The following TIPIN variants were observed in gnomAD, a reference collection of about 807,000 sequenced individuals.
The protein encoded by TIPIN is TIMELESS-interacting protein.
A neutral mutation model predicts 35.6 loss-of-function variants in TIPIN; 29 were observed. That is an observed-to-expected ratio of 0.82 (90% confidence interval 0.61 to 1.11). The LOEUF (loss-of-function observed/expected upper bound fraction) is 1.11. TIPIN is among the 50% of genes most tolerant of loss of function. The probability of loss-of-function intolerance (pLI) is 0.00; values close to 1 mark genes in which losing one functional copy is unlikely to be tolerated. For synonymous variants in TIPIN, 102 were observed against 121.5 expected (o/e 0.84, Z 1.06); for missense variants, 296 against 345.4 (o/e 0.86, Z 1.13).
At chr15:66,366,965 G>A in intron 1 of TIPIN, 7 of 865,144 alleles carry the variant, frequency 8.1e-6, no homozygotes, top group Non-Finnish European at 9.7e-6. Context: ...GTGATCACTC[G>A]AGGTCAGGAG....
At chr15:66,343,214 T>C (rs190181829) in intron 6 of TIPIN, among the ~76,000 whole-genome samples, 26 of 152,214 alleles carry the variant, frequency 1.7e-4, no homozygotes. Context: ...AAAATGCCTG[T>C]AGGTAGAATA....
chr15:66,383,411 C>T (rs1027079658), intron 1 of TIPIN: 2 of 173,144 alleles, frequency 1.2e-5, no homozygotes, highest in Non-Finnish European at 2.3e-5. Context: ...TACAGGCACC[C>T]GCCACCACAT....
At chr15:66,351,978 A>G (rs951235663) in intron 3 of TIPIN, 151 bp downstream of exon 3, 5 of 643,552 alleles carry the variant, frequency 7.8e-6, no homozygotes, top group Non-Finnish European at 1.0e-5. Context: ...AAGCAAGACC[A>G]TAAGAAAAAA....
intron 7 of TIPIN, among the ~76,000 whole-genome samples, chr15:66,337,832 GCA>G (rs2093056403): frequency 6.6e-6 from 1 of 151,240 alleles, no homozygotes. Flanking sequence ...TCGTGCCACT[GCA>G]CTCCAGCCTG....
At chr15:66,384,008 T>A (rs1424809978) in intron 1 of TIPIN, among the ~76,000 whole-genome samples, 2 of 152,156 alleles carry the variant, frequency 1.3e-5, no homozygotes, top group African/African-American at 4.8e-5. Context: ...TTTATTTATT[T>A]ATTTTTGAGA....
Position 66,346,239 on chromosome 15 carries a change from C to T in TIPIN, c.475+2821G>A, listed in dbSNP as rs561436964. 4.7e-5 allele frequency among the ~76,000 whole-genome samples: 7 copies of T among 150,122 alleles called. No homozygotes were observed. The East Asian group carries it at 1.4e-3, about 29-fold the overall frequency. ...CTAGGATTACAAGCGTGAGCCACTGCGCCTGGCCTTAATTTATCTTTTTTT... is the reference window on the plus strand; with the variant it reads ...CTAGGATTACAAGCGTGAGCCACTGTGCCTGGCCTTAATTTATCTTTTTTT... On this transcript the variant is annotated intron_variant, in intron 6 of 7. Coordinates refer to ENST00000261881, the MANE Select transcript of TIPIN (RefSeq NM_017858.3).
upstream of TIPIN, among the ~76,000 whole-genome samples, chr15:66,357,955 CAA>C (rs962880584): frequency 2.9e-5 from 4 of 138,500 alleles, no homozygotes; most frequent in Admixed American, 1.5e-4. Context: ...GACTCTGTCT[CAA>C]AAAAAAAAAA....
chr15:66,338,685 G>T lies in TIPIN; in HGVS notation c.683-1504C>A, dbSNP rs552773031. Among the ~76,000 whole-genome samples, 17 of 151,022 alleles carry T rather than the reference G, an allele frequency of 1.1e-4. No individual in the cohort carries two copies. In the East Asian group the frequency reaches 3.0e-3, roughly 26 times the overall value. ...AAAAATTAGCCAGGCGTGGTGGCAG[G>T]CACCTGTAGTCCCAGCTACTCGGGA... is the stretch of plus-strand genomic sequence containing the variant. On this transcript the variant is annotated intron_variant, in intron 7 of 7. Coordinates refer to ENST00000261881, the MANE Select transcript of TIPIN (RefSeq NM_017858.3).
At chr15:66,347,114 T>A (rs2093131482) in intron 6 of TIPIN, 2 of 377,482 alleles carry the variant, frequency 5.3e-6, no homozygotes, top group African/African-American at 4.2e-5. Flanking sequence ...TTCCTTTACA[T>A]GTTTGAAAGT....
intron 1 of TIPIN, among the ~76,000 whole-genome samples, chr15:66,363,880 G>A (rs35872749): frequency 0.2 from 29,834 of 151,020 alleles, 3,034 homozygotes; most frequent in East Asian, 0.38. Context: ...TACTCGGAGA[G>A]GCTGAGGCAG....
At chr15:66,361,400 C>T (rs1350396971), upstream of TIPIN, among the ~76,000 whole-genome samples, 2 of 151,300 alleles carry the variant, frequency 1.3e-5, no homozygotes, top group East Asian at 2.0e-4. Context: ...GGACTACAGG[C>T]GCCCGCCACC....
chr15:66,341,006 C>T (rs992595146), intron 7 of TIPIN, 144 bp downstream of exon 7: 2 of 691,728 alleles, frequency 2.9e-6, no homozygotes. Flanking sequence ...CTCACACACA[C>T]TGTCTCTAAA....
In TIPIN at chr15:66,356,654, C is replaced by A. The variant is rs527472788; in HGVS notation, c.-24G>T. On this transcript the variant is annotated 5_prime_UTR_variant, in exon 1 of 8. Coordinates refer to ENST00000261881, the MANE Select transcript of TIPIN (RefSeq NM_017858.3). ...CAGCTCTCACCTCACGCAGAAAACA[C>A]GGGACACAGCGCGGACCTCGGCGTG... 2.2e-4 allele frequency: 216 copies of A among 985,802 alleles called. 2 individuals carry two copies. The South Asian group carries it at 8.3e-3, about 38-fold the overall frequency. 61.1% of individuals were successfully genotyped at this position (985,802 alleles called of 1,614,324 possible).
chr15:66,358,255 G>A (rs2093215892), upstream of TIPIN, among the ~76,000 whole-genome samples: 1 of 152,104 alleles, frequency 6.6e-6, no homozygotes, highest in Non-Finnish European at 1.5e-5. Context: ...GGGATAGAGT[G>A]GGATGGGAAC....
At chr15:66,379,704 C>T (rs1249098417) in intron 1 of TIPIN, 22 of 1,610,288 alleles carry the variant, frequency 1.4e-5, no homozygotes, top group Non-Finnish European at 1.8e-5. Flanking sequence ...ACAAATAGTC[C>T]GAACGGTAGC....
chr15:66,386,398 G>C (rs1334788846), intron 1 of TIPIN: 1 of 151,674 alleles, frequency 6.6e-6, no homozygotes, highest in Non-Finnish European at 1.5e-5. Context: ...CCATTTCCTT[G>C]CACCCTTCTC....
At chr15:66,364,938 C>T (rs1385441786) in intron 1 of TIPIN, among the ~76,000 whole-genome samples, 1 of 107,982 alleles carries the variant, frequency 9.3e-6, no homozygotes, top group Non-Finnish European at 1.7e-5. Flanking sequence ...TGCATTCCAG[C>T]CTGGGTGACA....
intron 6 of TIPIN, among the ~76,000 whole-genome samples, chr15:66,342,855 C>T (rs1489711304): frequency 6.6e-6 from 1 of 152,144 alleles, no homozygotes; most frequent in Admixed American, 6.5e-5. Context: ...AGGATGTCCC[C>T]AACATGATCC....
At chr15:66,349,272 C>T (rs1464351870) in intron 5 of TIPIN, 43 bp downstream of exon 5, 1 of 1,608,678 alleles carries the variant, frequency 6.2e-7, no homozygotes, top group South Asian at 1.1e-5. Context: ...TCTACCCTAC[C>T]ATTTAGCATG....
Sources: allele counts gnomAD v4.1 joint callset (sites outside exome capture counted in the v4.1 genomes callset), GRCh38; gene constraint gnomAD v4.1.1; transcripts MANE v1.5; gene names NCBI Gene and HGNC (gene_info 2026-07-23, HGNC 2026-07-21).